The following CABCOCO1 variants were observed in gnomAD, a reference collection of about 807,000 sequenced individuals.
CABCOCO1 encodes ciliary associated calcium binding coiled-coil 1.
A neutral mutation model predicts 35.7 loss-of-function variants in CABCOCO1; 28 were observed. The observed-to-expected ratio is 0.78, with a 90% CI of 0.58 to 1.07. The LOEUF (loss-of-function observed/expected upper bound fraction) is 1.07, where lower values mean the gene tolerates loss of function less well. Ranked by LOEUF, CABCOCO1 falls within the 50% of genes least tolerant of loss-of-function variation. CABCOCO1 has a pLI of 0.00. For synonymous variants in CABCOCO1, 95 were observed against 100.1 expected (o/e 0.95, Z 0.30); for missense variants, 326 against 309.2 (o/e 1.05, Z -0.41).
chr10:61,754,188 C>T (rs1307677358), intron 5 of CABCOCO1, among the ~76,000 whole-genome samples: 3 of 152,002 alleles, frequency 2.0e-5, no homozygotes, highest in Admixed American at 6.6e-5. Flanking sequence ...TATCATTATC[C>T]TCCTTTTACA....
chr10:61,711,836 T>C (rs569303347), intron 5 of CABCOCO1, among the ~76,000 whole-genome samples: 7 of 152,110 alleles, frequency 4.6e-5, no homozygotes, highest in Admixed American at 3.9e-4. Flanking sequence ...AAATACACAG[T>C]TCTCCATAAC....
intron 4 of CABCOCO1, 93 bp from the exon 5 acceptor site, chr10:61,690,456 C>A: frequency 1.3e-6 from 1 of 767,650 alleles, no homozygotes; most frequent in South Asian, 1.8e-5. Flanking sequence ...TTAGTTTGGT[C>A]AATATGAAGT....
intron 4 of CABCOCO1, among the ~76,000 whole-genome samples, chr10:61,688,420 G>A (rs1327502580): frequency 6.6e-6 from 1 of 152,080 alleles, no homozygotes; most frequent in East Asian, 1.9e-4. Flanking sequence ...ACTCTGTCAT[G>A]TGTCTGTGAT....
intron 5 of CABCOCO1, among the ~76,000 whole-genome samples, chr10:61,691,979 A>G (rs1840158888): frequency 6.6e-6 from 1 of 152,102 alleles, no homozygotes; most frequent in South Asian, 2.1e-4. Context: ...TTTATAGTAG[A>G]ATGATTTATA....
At chr10:61,667,094 T>C (rs1839206518) in intron 1 of CABCOCO1, among the ~76,000 whole-genome samples, 1 of 143,394 alleles carries the variant, frequency 7.0e-6, no homozygotes, top group African/African-American at 2.5e-5. Flanking sequence ...ATAAATTTCA[T>C]ATAGTATATA....
At chr10:61,737,247 G>C (rs973995353) in intron 5 of CABCOCO1, among the ~76,000 whole-genome samples, 1 of 152,120 alleles carries the variant, frequency 6.6e-6, no homozygotes, top group East Asian at 1.9e-4. Context: ...AAACCACAAT[G>C]AGATAGCGTC....
intron 1 of CABCOCO1, among the ~76,000 whole-genome samples, chr10:61,669,558 C>T (rs1293694991): frequency 6.6e-6 from 1 of 151,894 alleles, no homozygotes; most frequent in Non-Finnish European, 1.5e-5. Context: ...TCATGCAAGT[C>T]ACTGTATAAA....
rs182632805 is a variant in CABCOCO1 at position 61,763,382 on chromosome 10, G to A, written c.816+2379G>A. ...ATGGTTTTAGAGATTTATTAAGAATGAAGTTATCTTGGCCCTGAGATGTTA... is the reference window on the plus strand; with the variant it reads ...ATGGTTTTAGAGATTTATTAAGAATAAAGTTATCTTGGCCCTGAGATGTTA... On this transcript the variant is annotated intron_variant, in intron 7 of 7. Transcript: ENST00000648843. 1.1e-3 allele frequency among the ~76,000 whole-genome samples: 168 copies of A among 152,104 alleles called. 1 individual carries two copies. The highest frequency in any genetic ancestry group is 3.0e-3 in the Admixed American group (46 of 15,254).
At chr10:61,698,191 C>T (rs181697686) in intron 5 of CABCOCO1, among the ~76,000 whole-genome samples, 2 of 152,114 alleles carry the variant, frequency 1.3e-5, no homozygotes, top group Non-Finnish European at 2.9e-5. Flanking sequence ...ATTAAGTCTG[C>T]TTTAATAATT....
At chr10:61,704,221 C>G (rs531785807) in intron 5 of CABCOCO1, among the ~76,000 whole-genome samples, 2 of 152,188 alleles carry the variant, frequency 1.3e-5, no homozygotes, top group South Asian at 4.2e-4. Context: ...GAAACCCTGT[C>G]TAAAAATATA....
rs1840425324 is a variant in CABCOCO1 at position 61,700,683 on chromosome 10, C to A, written c.552+10062C>A. Among the ~76,000 whole-genome samples, 4 of 151,934 alleles carry A rather than the reference C, an allele frequency of 2.6e-5. No individual in the cohort carries two copies. The South Asian group carries it at 6.2e-4, about 24-fold the overall frequency. ...CCCAAGTAGATAATCAGACAATGGG[C>A]AGAAATATGGGTGCATATATTTGAT... On this transcript the variant is annotated intron_variant, in intron 5 of 7. Transcript: ENST00000648843.
At chr10:61,737,368 C>A (rs564285121) in intron 5 of CABCOCO1, among the ~76,000 whole-genome samples, 3 of 152,100 alleles carry the variant, frequency 2.0e-5, no homozygotes, top group Non-Finnish European at 4.4e-5. Context: ...TAAATTAGTT[C>A]AATCATTGTG....
At chr10:61,679,333 C>A (rs10994872) in intron 2 of CABCOCO1, among the ~76,000 whole-genome samples, 2 of 128,258 alleles carry the variant, frequency 1.6e-5, no homozygotes, top group Non-Finnish European at 3.5e-5. Context: ...CTATATCTAT[C>A]TATATCTATC....
At chr10:61,705,325 C>T (rs1234065600) in intron 5 of CABCOCO1, among the ~76,000 whole-genome samples, 1 of 152,202 alleles carries the variant, frequency 6.6e-6, no homozygotes, top group Non-Finnish European at 1.5e-5. Context: ...GGTTGAAGAT[C>T]ATTGTCTTCT....
chr10:61,724,174 G>A (rs1002016357), intron 5 of CABCOCO1, among the ~76,000 whole-genome samples: 1 of 152,032 alleles, frequency 6.6e-6, no homozygotes, highest in Non-Finnish European at 1.5e-5. Flanking sequence ...TTTAACAAAA[G>A]AAGCATACTT....
intron 1 of CABCOCO1, among the ~76,000 whole-genome samples, chr10:61,667,907 A>G (rs1839240437): frequency 6.6e-6 from 1 of 151,992 alleles, no homozygotes; most frequent in East Asian, 1.9e-4. Context: ...TTGAATTACA[A>G]TAATGTTGCC....
chr10:61,665,598 C>G (rs1216401965), intron 1 of CABCOCO1, among the ~76,000 whole-genome samples: 2 of 151,998 alleles, frequency 1.3e-5, no homozygotes, highest in African/African-American at 4.8e-5. Context: ...TCAAAAATAT[C>G]TAGGGAAGGC....
At chr10:61,731,817 A>G (rs1352204957) in intron 5 of CABCOCO1, among the ~76,000 whole-genome samples, 1 of 151,506 alleles carries the variant, frequency 6.6e-6, no homozygotes, top group Non-Finnish European at 1.5e-5. Context: ...TTCTTTTTTA[A>G]AGGGAGATCT....
At position 61,680,628 on chromosome 10, in the gene CABCOCO1, C is replaced by T. The variant is rs1337074753; in HGVS notation, c.165-515C>T. 3.2e-3 allele frequency among the ~76,000 whole-genome samples: 72 copies of T among 22,192 alleles called. 3 individuals carry two copies. Among genetic ancestry groups the T allele is most frequent in the South Asian group, 8.2e-3 (4 of 486 alleles). The allele number at this position is 22,192 out of a possible 152,430, so 14.6% of individuals were successfully genotyped here. On this transcript the variant is annotated intron_variant, in intron 2 of 7. Coordinates refer to ENST00000648843, the MANE Select transcript of CABCOCO1 (RefSeq NM_001366906.2). ...TATAACATGTTATACATAACATATACATGTTATACATATATAATATATATT... is the reference window on the plus strand; with the variant it reads ...TATAACATGTTATACATAACATATATATGTTATACATATATAATATATATT...
Sources: allele counts gnomAD v4.1 joint callset (sites outside exome capture counted in the v4.1 genomes callset), GRCh38; gene constraint gnomAD v4.1.1; transcripts MANE v1.5; gene names NCBI Gene and HGNC (gene_info 2026-07-23, HGNC 2026-07-21).